Variants in ALKBH4 observed in about 807,000 individuals in gnomAD.
The protein encoded by ALKBH4 is alpha-ketoglutarate-dependent dioxygenase alkB homolog 4.
A neutral mutation model predicts 12.1 loss-of-function variants in ALKBH4; 8 were observed. That is an observed-to-expected ratio of 0.66 (90% CI 0.39 to 1.19). The LOEUF (loss-of-function observed/expected upper bound fraction) is 1.19, where lower values mean the gene tolerates loss of function less well. ALKBH4 is among the 50% of genes most tolerant of loss of function. The pLI is 0.01. For missense variants in ALKBH4, 403 were observed against 430.4 expected (o/e 0.94, Z 0.56); for synonymous variants, 195 against 191.6 (o/e 1.02, Z -0.15).
At chr7:102,459,922 G>T in intron 1 of ALKBH4, 121 bp from the exon 2 acceptor site, 1 of 863,904 alleles carries the variant, frequency 1.2e-6, no homozygotes, top group East Asian at 2.9e-5. Context: ...GGGAGGCCGA[G>T]GTGGGTGGAT....
At chr7:102,462,932 G>A (rs1480362033) in intron 1 of ALKBH4, among the ~76,000 whole-genome samples, 1 of 149,402 alleles carries the variant, frequency 6.7e-6, no homozygotes, top group Non-Finnish European at 1.5e-5. Flanking sequence ...GTTCGTCCAT[G>A]CTGTAACATA....
intron 1 of ALKBH4, among the ~76,000 whole-genome samples, chr7:102,462,720 C>T (rs1797823021): frequency 6.6e-6 from 1 of 152,120 alleles, no homozygotes; most frequent in Non-Finnish European, 1.5e-5. Context: ...ACAGCCGTCA[C>T]CACCATTCAG....
intron 1 of ALKBH4, among the ~76,000 whole-genome samples, chr7:102,460,147 CAA>C (rs55976687): frequency 3.8e-5 from 5 of 133,268 alleles, no homozygotes; most frequent in African/African-American, 5.7e-5. Context: ...GAGTGAGACT[CAA>C]AAAAAAAAAA....
intron 1 of ALKBH4, among the ~76,000 whole-genome samples, chr7:102,463,878 G>C (rs1797864790): frequency 6.6e-6 from 1 of 152,202 alleles, no homozygotes; most frequent in Non-Finnish European, 1.5e-5. Flanking sequence ...TGGCTTACCA[G>C]CCTCCACACC....
chr7:102,460,735 C>T (rs1275435978), intron 1 of ALKBH4, among the ~76,000 whole-genome samples: 1 of 152,164 alleles, frequency 6.6e-6, no homozygotes, highest in African/African-American at 2.4e-5. Context: ...TCTGTGCACC[C>T]TAATCTCTTT....
chr7:102,461,740 G>A (rs1563650101), intron 1 of ALKBH4, among the ~76,000 whole-genome samples: 1 of 152,178 alleles, frequency 6.6e-6, no homozygotes, highest in East Asian at 1.9e-4. Context: ...ATTTTACATG[G>A]ATTATCTAGT....
At chr7:102,463,381 G>A (rs1262983485) in intron 1 of ALKBH4, among the ~76,000 whole-genome samples, 1 of 134,158 alleles carries the variant, frequency 7.5e-6, no homozygotes, top group Non-Finnish European at 1.5e-5. Context: ...CTGAGCTGGA[G>A]TGCAGTGGTG....
intron 1 of ALKBH4, among the ~76,000 whole-genome samples, chr7:102,460,461 A>AG (rs1288417138): frequency 6.6e-6 from 1 of 152,034 alleles, no homozygotes. Flanking sequence ...GCTGGAGTCT[A>AG]GGGGGAGGTG....
chr7:102,464,668 G>A, intron 1 of ALKBH4, 46 bp downstream of exon 1: 1 of 1,484,806 alleles, frequency 6.7e-7, no homozygotes, highest in Non-Finnish European at 8.9e-7. Flanking sequence ...AGTTTCCCCA[G>A]ATGCAGAGCG....
intron 1 of ALKBH4, among the ~76,000 whole-genome samples, chr7:102,463,098 C>G (rs1797833097): frequency 6.6e-6 from 1 of 151,486 alleles, no homozygotes; most frequent in South Asian, 2.1e-4. Flanking sequence ...GCTGGGACTA[C>G]AGGTACGTGT....
rs1187053034 is a variant in ALKBH4 at position 102,457,932 on chromosome 7, C to A, written c.371G>T (p.Gly124Val). The change falls in exon 3 of 3, where the codon GGC becomes GTC. Residue 124 changes from glycine (G) to valine (V), a missense_variant. By Grantham distance (109) the Gly-to-Val change is moderately radical. Transcript: ENST00000292566. The surrounding 1 kb of genome is among the most constrained non-coding windows in gnomAD (Gnocchi z 5.9). ...NFRKQKLKTEGFCGLPSFSRE... is the reference protein window; with the variant it reads ...NFRKQKLKTEVFCGLPSFSRE... ...GCTGAAGCTGGGGAGGCCGCAGAAG[C>A]CCTCGGTCTTTAGCTTCTGTTTCCG... 1 of 1,612,994 alleles carries A rather than the reference C, an allele frequency of 6.2e-7. No homozygotes were observed. Among genetic ancestry groups the A allele is most frequent in the South Asian group, 1.1e-5 (1 of 91,042 alleles).
rs1797898975 is a variant in ALKBH4, at chr7:102,464,756, C to T, written c.81G>A (p.Glu27=). The change falls in exon 1 of 3, where the codon GAG becomes GAA. Residue 27 remains glutamate, a synonymous_variant. Transcript: ENST00000292566. ...CKGIRTCLIC[E]RQRGSDPPWE... ...AGGGCGGGTCACTGCCGCGCTGCCG[C>T]TCGCAGATCAGACAGGTCCGGATGC... is the stretch of plus-strand genomic sequence containing the variant. 6.4e-7 allele frequency: 1 copy of T among 1,572,786 alleles called. No homozygotes were observed. The highest frequency in any genetic ancestry group is 1.4e-5 in the African/African-American group (1 of 71,324).
In ALKBH4 at chr7:102,457,550, C is replaced by T; in HGVS notation, c.753G>A (p.Gln251=). The T allele has an allele frequency of 1.2e-6, 2 of 1,611,832 alleles. No homozygotes were observed. The highest frequency in any genetic ancestry group is 1.7e-6 in the Non-Finnish European group (2 of 1,179,888). ...GTCTGCGGTGGATGGCATGCTTCCA[C>T]TGGTGCCGTGCCGCCCCGGTGAGGA... The part of the protein sequence containing the change: ...LLVLTGAARH[Q]WKHAIHRRHI... Residue 251 remains glutamine, a synonymous_variant, in exon 3 of 3, where the codon CAG becomes CAA. Transcript: ENST00000292566. This position sits in a 1 kb window ranked among gnomAD's most constrained non-coding sequence, Gnocchi z 5.9.
intron 1 of ALKBH4, 112 bp downstream of exon 1, chr7:102,464,601 CG>C: frequency 7.2e-7 from 1 of 1,390,000 alleles, no homozygotes; most frequent in Non-Finnish European, 9.4e-7. Context: ...TCACCCCTAC[CG>C]TAAGGGTCCC....
At chr7:102,462,665 G>A (rs1053814003) in intron 1 of ALKBH4, among the ~76,000 whole-genome samples, 1 of 152,142 alleles carries the variant, frequency 6.6e-6, no homozygotes, top group African/African-American at 2.4e-5. Flanking sequence ...ACCGCACCTG[G>A]CCCCTTCCAC....
At chr7:102,462,740 ATCT>A (rs756090383) in intron 1 of ALKBH4, among the ~76,000 whole-genome samples, 1 of 151,870 alleles carries the variant, frequency 6.6e-6, no homozygotes, top group Non-Finnish European at 1.5e-5. Context: ...GAACTTTTTC[ATCT>A]TGCAAAACTG....
intron 2 of ALKBH4, 65 bp from the exon 3 acceptor site, chr7:102,458,046 G>C: frequency 6.8e-7 from 1 of 1,465,692 alleles, no homozygotes; most frequent in South Asian, 1.3e-5. Flanking sequence ...CCACAGACTA[G>C]GTGGGAAGAA....
chr7:102,458,086 G>GC, intron 2 of ALKBH4, 105 bp from the exon 3 acceptor site: 2 of 1,172,990 alleles, frequency 1.7e-6, no homozygotes, highest in Non-Finnish European at 2.3e-6. Context: ...GCAAGCAAAA[G>GC]CCCCCTGGCT....
intron 1 of ALKBH4, among the ~76,000 whole-genome samples, chr7:102,462,065 T>C (rs1159045668): frequency 6.6e-6 from 1 of 152,184 alleles, no homozygotes; most frequent in Non-Finnish European, 1.5e-5. Flanking sequence ...CCTGGGGCCC[T>C]CCCACGGGAA....
Sources: gnomAD v4.1 joint callset for allele counts (sites outside exome capture counted in the v4.1 genomes callset) on GRCh38, gnomAD v4.1.1 for gene constraint, Gnocchi (gnomAD v3.1) non-coding constraint, MANE v1.5 for transcripts, NCBI Gene and HGNC (gene_info 2026-07-23, HGNC 2026-07-21) for gene names.